Variants in CEP152 observed in about 807,000 individuals in gnomAD.
CEP152 encodes the protein centrosomal protein of 152 kDa.
Under a neutral mutation model 188.9 loss-of-function variants are expected in CEP152, and 132 were observed. That is an observed-to-expected ratio of 0.70 (90% CI 0.61 to 0.81). CEP152 has a LOEUF of 0.81. Among genes scored for constraint, CEP152 ranks in the 30% least tolerant of loss-of-function variants. The pLI is 0.00. For missense variants in CEP152, 1,914 were observed against 1,969.8 expected (o/e 0.97, Z 0.54); for synonymous variants, 649 against 666.6 (o/e 0.97, Z 0.41).
chr15:48,731,378 A>G (rs192863940), intron 2 of CEP152, among the ~76,000 whole-genome samples: 51 of 152,342 alleles, frequency 3.3e-4, no homozygotes, highest in African/African-American at 1.2e-3. Context: ...GGAATATTGT[A>G]TTATAGTTGC....
At chr15:48,791,169 C>T (rs563774833) in intron 8 of CEP152, 68 bp downstream of exon 8, 6 of 1,394,928 alleles carry the variant, frequency 4.3e-6, no homozygotes, top group South Asian at 3.8e-5. Context: ...TTAGTCCTAC[C>T]CTACAAAAAG....
chr15:48,808,162 A>G (rs941452820), intron 1 of CEP152, among the ~76,000 whole-genome samples: 2 of 151,998 alleles, frequency 1.3e-5, no homozygotes, highest in African/African-American at 4.8e-5. Context: ...AATGAGACTT[A>G]AAATAAAAGC....
Position 48,760,128 on chromosome 15 carries a change from C to T in CEP152, c.2694+7G>A, listed in dbSNP as rs1445023739. 6.2e-7 allele frequency: 1 copy of T among 1,613,868 alleles called. No individual in the cohort carries two copies. ...CTCCTGAAGTGTCTTTGCAGAAGAG[C>T]TCTTACCCTTTTGTTCACAGAGACC... On this transcript the variant is annotated splice_region_variant and intron_variant, in intron 19 of 26. Transcript: ENST00000380950.
In CEP152 at chr15:48,762,665, T is replaced by A. The variant is rs1188298539; in HGVS notation, c.2288A>T (p.Glu763Val). ...CTTTTCAAGCTGTTGAATGAGTTTT[T>A]CTTTGATCTGTTTTCAGAAGAAAAA... ...KEQQTQEKIK[E>V]KLIQQLEKEW... Residue 763 changes from glutamate (E) to valine (V), a missense_variant, in exon 18 of 27, where the codon GAA becomes GTA. By Grantham distance (121) the Glu-to-Val change is moderately radical. Coordinates refer to ENST00000380950, the MANE Select transcript of CEP152 (RefSeq NM_001194998.2). 40 of 1,613,568 alleles carry A rather than the reference T, an allele frequency of 2.5e-5. No individual in the cohort carries two copies. The highest frequency in any genetic ancestry group is 3.3e-5 in the Non-Finnish European group (39 of 1,179,962).
At chr15:48,761,829 T>C (rs1160012423) in intron 18 of CEP152, among the ~76,000 whole-genome samples, 4 of 152,190 alleles carry the variant, frequency 2.6e-5, no homozygotes, top group Non-Finnish European at 4.4e-5. Flanking sequence ...TTTCTCAGTA[T>C]GACATTTCTT....
At chr15:48,791,848 T>C (rs545523063) in intron 7 of CEP152, among the ~76,000 whole-genome samples, 2 of 145,030 alleles carry the variant, frequency 1.4e-5, no homozygotes, top group Admixed American at 1.4e-4. Context: ...AATTAAAAAT[T>C]AAAAAAAAAA....
At chr15:48,768,693 G>A (rs1487945725) in intron 14 of CEP152, among the ~76,000 whole-genome samples, 1 of 152,140 alleles carries the variant, frequency 6.6e-6, no homozygotes, top group Non-Finnish European at 1.5e-5. Flanking sequence ...TCTGGGTCAA[G>A]AGCTGGCTAA....
At chr15:48,785,175 C>T (rs1177036631) in intron 9 of CEP152, among the ~76,000 whole-genome samples, 1 of 152,174 alleles carries the variant, frequency 6.6e-6, no homozygotes, top group Non-Finnish European at 1.5e-5. Context: ...CTTAAGGATA[C>T]TAACACAAGG....
At chr15:48,782,426 G>T (rs1374107608) in intron 10 of CEP152, among the ~76,000 whole-genome samples, 196 bp from the exon 11 acceptor site, 1 of 152,140 alleles carries the variant, frequency 6.6e-6, no homozygotes, top group Non-Finnish European at 1.5e-5. Flanking sequence ...ATTTAGTATG[G>T]CATCCCATAT....
chr15:48,809,610 T>C (rs546382207), intron 1 of CEP152, among the ~76,000 whole-genome samples: 2 of 152,328 alleles, frequency 1.3e-5, no homozygotes, highest in African/African-American at 4.8e-5. Flanking sequence ...CTGGCTCTTC[T>C]ATTTATCAGC....
chr15:48,783,843 T>C (rs1205514156), intron 10 of CEP152, 130 bp downstream of exon 10: 1 of 603,146 alleles, frequency 1.7e-6, no homozygotes, highest in Non-Finnish European at 2.6e-6. Flanking sequence ...TATTTCTTTT[T>C]TTTAAAGAAA....
intron 1 of CEP152, among the ~76,000 whole-genome samples, chr15:48,808,514 G>A (rs1256834896): frequency 1.3e-5 from 2 of 151,948 alleles, no homozygotes; most frequent in East Asian, 1.9e-4. Flanking sequence ...AAAATTGGGC[G>A]ACTGACATGA....
At chr15:48,767,026 A>G (rs1468723152) in intron 17 of CEP152, 34 bp downstream of exon 17, 1 of 1,610,108 alleles carries the variant, frequency 6.2e-7, no homozygotes, top group South Asian at 1.1e-5. Flanking sequence ...TGAAGAGTGA[A>G]AGGATGTCGA....
intron 9 of CEP152, among the ~76,000 whole-genome samples, chr15:48,787,751 C>A (rs1896754531): frequency 6.6e-6 from 1 of 152,198 alleles, no homozygotes; most frequent in Middle Eastern, 3.4e-3. Flanking sequence ...GATTTTTCTT[C>A]TCTCCTTCCC....
chr15:48,797,924 G>A, intron 3 of CEP152, 24 bp downstream of exon 3: 1 of 1,588,290 alleles, frequency 6.3e-7, no homozygotes, highest in Non-Finnish European at 8.6e-7. Flanking sequence ...CAATATACAA[G>A]TGAAAGTGAC....
intron 21 of CEP152, among the ~76,000 whole-genome samples, chr15:48,750,715 G>A (rs1893805973): frequency 2.6e-5 from 4 of 152,032 alleles, no homozygotes; most frequent in African/African-American, 9.7e-5. Flanking sequence ...GTAGCATGCT[G>A]TTAAACAGGA....
chr15:48,740,616 T>C (rs34498451), intron 26 of CEP152: 2 of 103,194 alleles, frequency 1.9e-5, no homozygotes, highest in Non-Finnish European at 3.7e-5. Flanking sequence ...TTACTCTTAC[T>C]TTTTTTTTTT....
In CEP152 at chr15:48,744,304, T is replaced by C. The variant is rs372974562; in HGVS notation, c.3771A>G (p.Pro1257=). 2.5e-6 allele frequency: 4 copies of C among 1,614,066 alleles called. No homozygotes were observed. The highest frequency in any genetic ancestry group is 1.3e-5 in the African/African-American group (1 of 75,046). ...GTTCTTCCAAGGCTCCCCCACTGCA[T>C]GGCAGGCAAGCATTTTCAATGGCCC... ...SAGAIENACL[P]CSGGALEELR... is the part of the protein sequence containing the mutation. Residue 1257 remains proline, a synonymous_variant, in exon 24 of 27, where the codon CCA becomes CCG. Transcript: ENST00000380950.
In CEP152 at chr15:48,738,479, A is replaced by G. The variant is rs758880994; in HGVS notation, c.4903T>C (p.Tyr1635His). The G allele has an allele frequency of 1.9e-6, 3 of 1,614,242 alleles. No individual in the cohort carries two copies. The highest frequency in any genetic ancestry group is 2.5e-6 in the Non-Finnish European group (3 of 1,180,032). ...MICQTMKCQR[Y>H]QTPYLSEETT... Reference sequence around the variant, plus strand: ...TCTTCTGACAGGTATGGAGTTTGATAACGCTGACATTTCATTGTTTGACAA... The same window carrying G: ...TCTTCTGACAGGTATGGAGTTTGATGACGCTGACATTTCATTGTTTGACAA... The change falls in exon 27 of 27, where the codon TAT (tyrosine) becomes CAT (histidine). Residue 1635 changes from tyrosine (Y) to histidine (H), a missense_variant. Coordinates refer to ENST00000380950, the MANE Select transcript of CEP152 (RefSeq NM_001194998.2).
Sources: allele counts gnomAD v4.1 joint callset (sites outside exome capture counted in the v4.1 genomes callset), GRCh38; gene constraint gnomAD v4.1.1; transcripts MANE v1.5; gene names NCBI Gene and HGNC (gene_info 2026-07-23, HGNC 2026-07-21).